Variants in CADPS2 observed in about 807,000 individuals in gnomAD.
CADPS2 encodes the protein calcium-dependent secretion activator 2.
In CADPS2, 93 loss-of-function variants were observed where a neutral mutation model predicts 172.5. That is an observed-to-expected ratio of 0.54 (90% CI 0.46 to 0.64). The LOEUF (loss-of-function observed/expected upper bound fraction) is 0.64, where lower values mean the gene tolerates loss of function less well. CADPS2 is among the 30% of genes least tolerant of loss of function. The probability of loss-of-function intolerance (pLI) is 0.00; values close to 1 mark genes in which losing one functional copy is unlikely to be tolerated. For synonymous variants in CADPS2, 546 were observed against 555.2 expected, an observed-to-expected ratio of 0.98 and a Z score of 0.23; for missense variants, 1,420 against 1,565.9, an observed-to-expected ratio of 0.91 and a Z score of 1.57.
intron 2 of CADPS2, among the ~76,000 whole-genome samples, chr7:122,676,203 A>C (rs1465972610): frequency 6.6e-6 from 1 of 152,192 alleles, no homozygotes; most frequent in African/African-American, 2.4e-5. Context: ...CTGACTGATT[A>C]GTCTGTTTAC....
intron 1 of CADPS2, among the ~76,000 whole-genome samples, chr7:122,824,547 A>C (rs1409574438): frequency 6.6e-6 from 1 of 152,090 alleles, no homozygotes; most frequent in Admixed American, 6.5e-5. Context: ...TTTTCTTTTA[A>C]CTGTCTGTTC....
intron 3 of CADPS2, among the ~76,000 whole-genome samples, chr7:122,652,376 G>A (rs1188923773): frequency 6.6e-6 from 1 of 152,084 alleles, no homozygotes; most frequent in Admixed American, 6.5e-5. Context: ...AGGAAAGGCA[G>A]TTGATTAACT....
At chr7:122,590,583 C>A (rs189161409) in intron 6 of CADPS2, among the ~76,000 whole-genome samples, 73 of 151,812 alleles carry the variant, frequency 4.8e-4, no homozygotes, top group Middle Eastern at 3.4e-3. Context: ...CAACAGACAC[C>A]TTCATATATA....
At chr7:122,803,651 T>C (rs1798122216) in intron 1 of CADPS2, among the ~76,000 whole-genome samples, 1 of 152,168 alleles carries the variant, frequency 6.6e-6, no homozygotes, top group Non-Finnish European at 1.5e-5. Flanking sequence ...CAGATATCCA[T>C]TTGATTCATT....
intron 20 of CADPS2, among the ~76,000 whole-genome samples, chr7:122,402,831 C>T (rs969777963): frequency 1.3e-5 from 2 of 152,170 alleles, no homozygotes; most frequent in African/African-American, 4.8e-5. Flanking sequence ...CAAATTAACT[C>T]CCTTCCTAAT....
intron 15 of CADPS2, among the ~76,000 whole-genome samples, chr7:122,449,238 GGAAATTACACT>G (rs374087775): frequency 1.1e-3 from 170 of 152,178 alleles, no homozygotes; most frequent in African/African-American, 3.8e-3. Context: ...CAAAAAAGAG[GGAAATTACACT>G]GATTTTCATT....
At chr7:122,503,060 C>G (rs552912692) in intron 9 of CADPS2, among the ~76,000 whole-genome samples, 7 of 137,090 alleles carry the variant, frequency 5.1e-5, no homozygotes, top group Non-Finnish European at 9.1e-5. Flanking sequence ...GAGACGGGGT[C>G]TCGCTCTGTC....
At chr7:122,370,594 C>T (rs2041644958) in intron 25 of CADPS2, among the ~76,000 whole-genome samples, 2 of 152,180 alleles carry the variant, frequency 1.3e-5, no homozygotes, top group South Asian at 4.1e-4. Flanking sequence ...GAGACACACA[C>T]ATAACCATGA....
intron 6 of CADPS2, among the ~76,000 whole-genome samples, chr7:122,590,762 TAA>T (rs2070667840): frequency 2.0e-5 from 3 of 151,960 alleles, no homozygotes; most frequent in South Asian, 2.1e-4. Flanking sequence ...AATATAATCC[TAA>T]GTCAAAAATT....
chr7:122,446,279 C>T (rs2052185635), intron 15 of CADPS2, among the ~76,000 whole-genome samples: 1 of 151,976 alleles, frequency 6.6e-6, no homozygotes, highest in South Asian at 2.1e-4. Flanking sequence ...ATTTTTTCAC[C>T]AGATGCTGGA....
rs1339609611 is a variant in CADPS2, at chr7:122,325,519, T to C, written c.3675A>G (p.Gln1225=). The C allele has an allele frequency of 1.2e-6, 2 of 1,611,124 alleles. No individual in the cohort carries two copies. The highest frequency in any genetic ancestry group is 1.3e-5 in the African/African-American group (1 of 74,772). Residue 1225 remains glutamine, a synonymous_variant, in exon 29 of 30, where the codon CAA becomes CAG. Transcript: ENST00000449022. ...GCGTCTTCAGCTGGTAAATATGGAGTTGGAGGTCTAATCTATCAGTCAACC... is the reference window on the plus strand; with the variant it reads ...GCGTCTTCAGCTGGTAAATATGGAGCTGGAGGTCTAATCTATCAGTCAACC... The part of the protein sequence containing the change: ...CVWLTDRLDL[Q]LHIYQLKTLI...
rs182405648 is a variant in CADPS2 at position 122,736,895 on chromosome 7, A to G, written c.453+60T>C. The G allele has an allele frequency of 1.3e-5, 11 of 879,612 alleles. 1 individual carries two copies. In the African/African-American group the frequency reaches 1.4e-4, roughly 11 times the overall value. 54.5% of individuals were successfully genotyped at this position (879,612 alleles called of 1,614,324 possible). ...TTCTTTAAAATGAGAAACCCATAAA[A>G]ATAATAAAACTCCTTTTAAAATGCA... On this transcript the variant is annotated intron_variant, in intron 2 of 29. Coordinates refer to ENST00000449022, the MANE Select transcript of CADPS2 (RefSeq NM_017954.11).
chr7:122,618,946 T>G (rs1051745422), intron 5 of CADPS2, among the ~76,000 whole-genome samples: 4 of 152,176 alleles, frequency 2.6e-5, no homozygotes, highest in African/African-American at 9.7e-5. Context: ...AATATCTGCC[T>G]TAGATAGACA....
chr7:122,422,574 TAAAC>T (rs745373832), intron 17 of CADPS2, among the ~76,000 whole-genome samples: 6 of 152,164 alleles, frequency 3.9e-5, no homozygotes, highest in Non-Finnish European at 7.3e-5. Flanking sequence ...TTTGGGCACA[TAAAC>T]AAATTGTTCT....
intron 7 of CADPS2, among the ~76,000 whole-genome samples, chr7:122,555,731 CAA>C (rs1176863056): frequency 2.6e-5 from 4 of 151,992 alleles, no homozygotes; most frequent in East Asian, 3.9e-4. Context: ...TTTAATATAA[CAA>C]AACTAAGTCC....
chr7:122,749,033 T>C (rs767385260), intron 1 of CADPS2, among the ~76,000 whole-genome samples: 3 of 152,154 alleles, frequency 2.0e-5, no homozygotes, highest in Non-Finnish European at 4.4e-5. Flanking sequence ...TCTAGTTTAC[T>C]GCCTCCAAAG....
chr7:122,375,770 C>T (rs1349929413), intron 25 of CADPS2, among the ~76,000 whole-genome samples: 1 of 151,612 alleles, frequency 6.6e-6, no homozygotes, highest in Non-Finnish European at 1.5e-5. Context: ...GAGATTATAT[C>T]AAGTAAAACA....
intron 2 of CADPS2, among the ~76,000 whole-genome samples, chr7:122,711,707 C>T: frequency 6.6e-6 from 1 of 152,038 alleles, no homozygotes. Context: ...GGATGGAGTA[C>T]AGTAGCGTGA....
intron 25 of CADPS2, among the ~76,000 whole-genome samples, chr7:122,370,620 A>G (rs1484303582): frequency 6.6e-6 from 1 of 152,182 alleles, no homozygotes; most frequent in Non-Finnish European, 1.5e-5. Context: ...TGGCAGAGAA[A>G]GTGGGCACAG....
Sources: allele counts gnomAD v4.1 joint callset (sites outside exome capture counted in the v4.1 genomes callset), GRCh38; gene constraint gnomAD v4.1.1; transcripts MANE v1.5; gene names NCBI Gene and HGNC (gene_info 2026-07-23, HGNC 2026-07-21).